Variants in MIA3 observed in about 807,000 individuals in gnomAD.
MIA3 encodes transport and Golgi organization protein 1 homolog.
In MIA3, 90 loss-of-function variants were observed where a neutral mutation model predicts 192.4. That is an observed-to-expected ratio of 0.47 (90% CI 0.39 to 0.56). MIA3 has a LOEUF of 0.56. Ranked by LOEUF, MIA3 falls within the 20% of genes least tolerant of loss-of-function variation. The pLI, the probability that MIA3 is intolerant of heterozygous loss-of-function variation, is 0.00. For missense variants in MIA3, 2,123 were observed against 2,269.4 expected, an observed-to-expected ratio of 0.94 and a Z score of 1.31; for synonymous variants, 740 against 792.8, an observed-to-expected ratio of 0.93 and a Z score of 1.12.
At chr1:222,659,296 A>G (rs1663887410) in intron 19 of MIA3, 157 bp from the exon 20 acceptor site, 6 of 630,178 alleles carry the variant, frequency 9.5e-6, no homozygotes, top group Non-Finnish European at 1.7e-5. Flanking sequence ...TTTTCATCAT[A>G]TTGTACTTTT....
At chr1:222,635,385 CAG>C (rs1405895438) in intron 6 of MIA3, among the ~76,000 whole-genome samples, 5 of 152,128 alleles carry the variant, frequency 3.3e-5, no homozygotes, top group African/African-American at 1.2e-4. Flanking sequence ...CAGGGGATAA[CAG>C]GGAATGACAG....
At chr1:222,644,052 C>T (rs1052879717) in intron 6 of MIA3, among the ~76,000 whole-genome samples, 2 of 152,236 alleles carry the variant, frequency 1.3e-5, no homozygotes, top group South Asian at 2.1e-4. Flanking sequence ...CTGCTTTTCT[C>T]CTTTTCCCCA....
At chr1:222,646,631 A>G (rs1663161572) in intron 7 of MIA3, among the ~76,000 whole-genome samples, 1 of 151,876 alleles carries the variant, frequency 6.6e-6, no homozygotes, top group Non-Finnish European at 1.5e-5. Flanking sequence ...AGGAGCCTGT[A>G]ATCCCAGCTA....
intron 24 of MIA3, among the ~76,000 whole-genome samples, chr1:222,661,793 T>C (rs1664026886): frequency 1.3e-5 from 2 of 152,212 alleles, no homozygotes; most frequent in Admixed American, 1.3e-4. Context: ...AATCACCATG[T>C]AGAATACTGT....
chr1:222,644,847 CAG>C (rs1370622627), intron 6 of MIA3, among the ~76,000 whole-genome samples: 1 of 151,502 alleles, frequency 6.6e-6, no homozygotes, highest in Non-Finnish European at 1.5e-5. Context: ...GATCAAAACA[CAG>C]AGAACCTACA....
chr1:222,651,829 G>A (rs574846198), intron 11 of MIA3, 148 bp from the exon 12 acceptor site: 16 of 644,328 alleles, frequency 2.5e-5, no homozygotes, highest in African/African-American at 5.6e-5. Flanking sequence ...GATTTTTCCC[G>A]AGGGCAAAAC....
In MIA3 at chr1:222,652,064, AT is replaced by A; in HGVS notation, c.3981+18del. 1 of 1,426,334 alleles carries A rather than the reference AT, an allele frequency of 7.0e-7. No homozygotes were observed. Among genetic ancestry groups the A allele is most frequent in the Non-Finnish European group, 9.9e-7 (1 of 1,009,732 alleles). 88.4% of individuals were successfully genotyped at this position (1,426,334 alleles called of 1,614,324 possible). A position where few individuals can be genotyped will look rare whatever the true frequency, so the allele number is the denominator to read the frequency against. On this transcript the variant is annotated intron_variant, in intron 12 of 27. Coordinates refer to ENST00000344922, the MANE Select transcript of MIA3 (RefSeq NM_198551.4). Reference sequence around the variant, plus strand: ...ATTTTCAGAGGTAAAGCTGACTGTAATTCCTGCAGGATATTAATACTATATC... The same window carrying A: ...ATTTTCAGAGGTAAAGCTGACTGTAATCCTGCAGGATATTAATACTATATC...
At chr1:222,621,857 G>A (rs1265782148) in intron 2 of MIA3, among the ~76,000 whole-genome samples, 18 of 148,424 alleles carry the variant, frequency 1.2e-4, no homozygotes, top group African/African-American at 4.4e-4. Context: ...CGCCCAGGCT[G>A]GAGTGCCGTG....
chr1:222,634,785 T>C (rs1662557869), intron 6 of MIA3, among the ~76,000 whole-genome samples: 1 of 152,240 alleles, frequency 6.6e-6, no homozygotes, highest in South Asian at 2.1e-4. Context: ...TTGTTGTTTT[T>C]CTGTTAAAAT....
At chr1:222,630,624 A>T (rs1387272952) in intron 4 of MIA3, among the ~76,000 whole-genome samples, 1 of 152,228 alleles carries the variant, frequency 6.6e-6, no homozygotes. Flanking sequence ...TCAAAAGGAA[A>T]CTTTGTAAAA....
At chr1:222,648,673 A>G (rs1296943141) in intron 7 of MIA3, among the ~76,000 whole-genome samples, 156 bp from the exon 8 acceptor site, 2 of 152,142 alleles carry the variant, frequency 1.3e-5, no homozygotes, top group African/African-American at 4.8e-5. Context: ...ATGCTTTTTA[A>G]CCTTTTTAAG....
Position 222,665,387 on chromosome 1 carries a change from A to G in MIA3, c.5492A>G (p.His1831Arg), listed in dbSNP as rs1377162070. ...CCAGGAAGACGGGACCTGCCTCTCC[A>G]CCCTCGGGGATTTTTACCTGGACAC... is the stretch of plus-strand genomic sequence containing the variant. ...VPPGRRDLPL[H>R]PRGFLPGHAP... Residue 1831 changes from histidine (H) to arginine (R), a missense_variant, in exon 28 of 28, where the codon CAC (histidine) becomes CGC (arginine). By Grantham distance (29) the His-to-Arg change is conservative. This residue lies in a region of MIA3 where 762 missense variants were observed against 856.4 expected (regional missense o/e 0.89). Transcript: ENST00000344922. 1.9e-6 allele frequency: 3 copies of G among 1,613,640 alleles called. No individual in the cohort carries two copies. The highest frequency in any genetic ancestry group is 2.5e-6 in the Non-Finnish European group (3 of 1,179,902).
intron 6 of MIA3, among the ~76,000 whole-genome samples, chr1:222,643,372 C>G (rs1571884695): frequency 6.6e-6 from 1 of 152,164 alleles, no homozygotes; most frequent in South Asian, 2.1e-4. Context: ...GCCCCGTGGT[C>G]GGTCTGCATC....
intron 5 of MIA3, 29 bp from the exon 6 acceptor site, chr1:222,633,075 A>C (rs781388602): frequency 1.7e-5 from 26 of 1,568,030 alleles, no homozygotes; most frequent in Non-Finnish European, 2.0e-5. Context: ...TCTAAAGCAC[A>C]AAATGTCTAT....
Position 222,651,962 on chromosome 1 carries a change from GT to G in MIA3, c.3910-10del. On this transcript the variant is annotated splice_polypyrimidine_tract_variant and intron_variant, in intron 11 of 27. Transcript: ENST00000344922. ...AATCCTAATATGCATTTTGTGTTCT[GT>G]TTTTACATGGCAGATATCAGAAAAC... 6.9e-7 allele frequency: 1 copy of G among 1,439,810 alleles called. No individual in the cohort carries two copies. The highest frequency in any genetic ancestry group is 9.8e-7 in the Non-Finnish European group (1 of 1,022,528). The allele number at this position is 1,439,810 out of a possible 1,614,324, so 89.2% of individuals were successfully genotyped here. A position where few individuals can be genotyped will look rare whatever the true frequency, so the allele number is the denominator to read the frequency against.
intron 6 of MIA3, chr1:222,641,963 A>G (rs1662881013): frequency 2.8e-6 from 1 of 362,338 alleles, no homozygotes; most frequent in African/African-American, 2.1e-5. Context: ...CTACTCAGCA[A>G]TTAAAAAAAG....
intron 6 of MIA3, among the ~76,000 whole-genome samples, chr1:222,640,481 C>T (rs1439296781): frequency 6.6e-6 from 1 of 152,056 alleles, no homozygotes; most frequent in East Asian, 1.9e-4. Flanking sequence ...TGACAGTGGA[C>T]TTCTGACAAA....
chr1:222,646,489 C>T (rs563815368), intron 7 of MIA3, among the ~76,000 whole-genome samples: 1 of 151,482 alleles, frequency 6.6e-6, no homozygotes, highest in African/African-American at 2.4e-5. Flanking sequence ...TGGTGGCTCA[C>T]ACCTGTAATA....
intron 7 of MIA3, among the ~76,000 whole-genome samples, chr1:222,647,224 C>G (rs1435858849): frequency 6.6e-6 from 1 of 152,138 alleles, no homozygotes; most frequent in East Asian, 1.9e-4. Context: ...GCCTTTCAGA[C>G]TTAAACATGT....
Sources: gnomAD v4.1 joint callset for allele counts (sites outside exome capture counted in the v4.1 genomes callset) on GRCh38, gnomAD v4.1.1 for gene constraint, gnomAD v4.1.1 regional missense constraint, MANE v1.5 for transcripts, NCBI Gene and HGNC (gene_info 2026-07-23, HGNC 2026-07-21) for gene names.